Variants in NAV3 observed in about 807,000 individuals in gnomAD.
The protein encoded by NAV3 is neuron navigator 3, also known as pore membrane and/or filament interacting like protein 1.
In NAV3, 87 loss-of-function variants were observed where a neutral mutation model predicts 244.7. The observed-to-expected ratio is 0.36, with a 90% confidence interval of 0.30 to 0.42. The LOEUF is 0.42. NAV3 is among the 20% of genes least tolerant of loss of function. The pLI is 1.00. For synonymous variants in NAV3, 1,126 were observed against 1,042.2 expected (o/e 1.08, Z -1.55); for missense variants, 2,663 against 2,893.3 (o/e 0.92, Z 1.83).
intron 1 of NAV3, among the ~76,000 whole-genome samples, chr12:77,864,549 A>G (rs938410306): frequency 6.6e-6 from 1 of 151,986 alleles, no homozygotes; most frequent in African/African-American, 2.4e-5. Flanking sequence ...GATGACTGAG[A>G]AGCAAAGATT....
In NAV3 at chr12:78,007,371, T is replaced by C. The variant is rs758804045; in HGVS notation, c.1833T>C (p.Asn611=). 6.2e-7 allele frequency: 1 copy of C among 1,614,132 alleles called. No homozygotes were observed. The highest frequency in any genetic ancestry group is 2.2e-5 in the East Asian group (1 of 44,874). Residue 611 remains asparagine (N), a synonymous_variant, in exon 8 of 40, where the codon AAT becomes AAC. Transcript: ENST00000397909. ...AAAGCAGTGGGCAGAGCACAGGAAA[T>C]GGTGCTGTCCAACTCCCTCAACAGC... is the stretch of plus-strand genomic sequence containing the variant. The part of the protein sequence containing the change: ...VAQSSGQSTG[N]GAVQLPQQQQ...
At chr12:77,688,836 C>CT (rs1316392385) in intron 2 of NAV3, among the ~76,000 whole-genome samples, 6 of 151,590 alleles carry the variant, frequency 4.0e-5, no homozygotes, top group Non-Finnish European at 5.9e-5. Context: ...AAGGTTATGT[C>CT]TAAGTTCTCT....
chr12:77,921,025 G>A (rs1350342981), intron 1 of NAV3, among the ~76,000 whole-genome samples: 1 of 151,976 alleles, frequency 6.6e-6, no homozygotes, highest in Non-Finnish European at 1.5e-5. Context: ...CTCATCATAA[G>A]AAAACGAAAA....
chr12:78,015,866 A>G (rs1876110358), intron 8 of NAV3, among the ~76,000 whole-genome samples: 2 of 152,036 alleles, frequency 1.3e-5, no homozygotes, highest in African/African-American at 4.8e-5. Flanking sequence ...CTGGCATTCT[A>G]CTTTAAGAAA....
chr12:78,004,260 G>A (rs1873820692), intron 7 of NAV3, among the ~76,000 whole-genome samples: 1 of 152,130 alleles, frequency 6.6e-6, no homozygotes, highest in Admixed American at 6.6e-5. Context: ...TACTTATTAT[G>A]TACTTGGAAT....
chr12:78,113,238 G>A (rs1955193558), intron 12 of NAV3, among the ~76,000 whole-genome samples: 1 of 152,200 alleles, frequency 6.6e-6, no homozygotes, highest in Non-Finnish European at 1.5e-5. Flanking sequence ...AGCTGTAGGT[G>A]GATCTACCAT....
intron 2 of NAV3, among the ~76,000 whole-genome samples, chr12:77,695,624 C>T (rs913886645): frequency 5.3e-5 from 8 of 152,072 alleles, no homozygotes; most frequent in African/African-American, 9.7e-5. Context: ...GTACAAAATA[C>T]GATGAATAAT....
Position 77,977,712 on chromosome 12 carries a change from G to GCACACACACACACACA in NAV3, c.671+9024_671+9039dup, listed in dbSNP as rs540138192. ...TATACACACACACACACACACACGCGCACACACACACACACACACACACAC... is the reference window on the plus strand; with the variant it reads ...TATACACACACACACACACACACGCGCACACACACACACACACACACACACACACACACACACACAC... On this transcript the variant is annotated intron_variant, in intron 5 of 39. Coordinates refer to ENST00000397909, the MANE Select transcript of NAV3 (RefSeq NM_001024383.2). 5.5e-4 allele frequency among the ~76,000 whole-genome samples: 78 copies of GCACACACACACACACA among 143,076 alleles called. 1 individual carries two copies. The highest frequency in any genetic ancestry group is 1.8e-3 in the African/African-American group (71 of 39,254). 93.9% of individuals were successfully genotyped at this position (143,076 alleles called of 152,430 possible).
Position 78,110,691 on chromosome 12 carries a change from A to T in NAV3, c.2637-6081A>T, listed in dbSNP as rs2370379. Among the ~76,000 whole-genome samples, 1,116 of 151,474 alleles carry T rather than the reference A, an allele frequency of 7.4e-3. 5 individuals carry two copies. Among genetic ancestry groups the T allele is most frequent in the Middle Eastern group, 0.017 (5 of 294 alleles). On this transcript the variant is annotated intron_variant, in intron 12 of 39. Transcript: ENST00000397909. ...GAAATAAAGCCATATATATATATAT[A>T]TAGTGTGTGTGTGTGTATACACACA...
intron 2 of NAV3, among the ~76,000 whole-genome samples, chr12:77,758,597 G>A (rs1306395534): frequency 6.6e-6 from 1 of 152,112 alleles, no homozygotes; most frequent in Non-Finnish European, 1.5e-5. Flanking sequence ...GTTATACGCA[G>A]TCTAAATAGC....
intron 2 of NAV3, among the ~76,000 whole-genome samples, chr12:77,639,644 T>TAC (rs1872310525): frequency 6.6e-6 from 1 of 152,182 alleles, no homozygotes; most frequent in Admixed American, 6.6e-5. Context: ...GGGTGCTCAG[T>TAC]GTTGGCTATA....
At chr12:78,113,302 C>G (rs1328119894) in intron 12 of NAV3, among the ~76,000 whole-genome samples, 1 of 152,210 alleles carries the variant, frequency 6.6e-6, no homozygotes, top group Non-Finnish European at 1.5e-5. Flanking sequence ...AGGCAGTACC[C>G]CAGTGGGGAC....
At chr12:77,819,084 C>G (rs1053478985) in intron 2 of NAV3, among the ~76,000 whole-genome samples, 1 of 151,926 alleles carries the variant, frequency 6.6e-6, no homozygotes, top group Non-Finnish European at 1.5e-5. Context: ...GCATTACATG[C>G]ATTTCCAATG....
intron 2 of NAV3, among the ~76,000 whole-genome samples, chr12:77,702,375 G>A (rs75699728): frequency 8.5e-4 from 130 of 152,056 alleles, no homozygotes; most frequent in African/African-American, 3.1e-3. Flanking sequence ...AGAGGATATA[G>A]TTGGGTGTTG....
At chr12:77,785,539 T>C (rs1870867046) in intron 2 of NAV3, among the ~76,000 whole-genome samples, 1 of 152,100 alleles carries the variant, frequency 6.6e-6, no homozygotes, top group Non-Finnish European at 1.5e-5. Flanking sequence ...TTCCAGGAGA[T>C]TAATTCCAGT....
At chr12:77,930,578 A>G (rs1027495679) in intron 1 of NAV3, among the ~76,000 whole-genome samples, 6 of 152,122 alleles carry the variant, frequency 3.9e-5, no homozygotes, top group African/African-American at 9.7e-5. Flanking sequence ...CTTTGTTCCA[A>G]TGTAAAATGA....
At chr12:77,968,791 A>G (rs1423181186) in intron 5 of NAV3, 89 bp downstream of exon 5, 1 of 1,264,378 alleles carries the variant, frequency 7.9e-7, no homozygotes, top group East Asian at 2.5e-5. Context: ...AGTTTGAAAA[A>G]CGTACTCATG....
At chr12:77,737,541 G>A (rs1036748989) in intron 2 of NAV3, among the ~76,000 whole-genome samples, 2 of 152,142 alleles carry the variant, frequency 1.3e-5, no homozygotes, top group East Asian at 3.9e-4. Flanking sequence ...AGGATTAAGA[G>A]TCACTAAAGG....
chr12:77,595,601 A>G (rs1415739295), intron 2 of NAV3, among the ~76,000 whole-genome samples: 1 of 152,160 alleles, frequency 6.6e-6, no homozygotes, highest in African/African-American at 2.4e-5. Context: ...TGTAGTAATC[A>G]TTTTACTATG....
Sources: gnomAD v4.1 joint callset for allele counts (sites outside exome capture counted in the v4.1 genomes callset) on GRCh38, gnomAD v4.1.1 for gene constraint, MANE v1.5 for transcripts, NCBI Gene and HGNC (gene_info 2026-07-23, HGNC 2026-07-21) for gene names.